Variants in CMIP observed in about 807,000 individuals in gnomAD.
CMIP encodes the protein c-Maf inducing protein, also known as C-Maf-inducing protein.
In CMIP, 13 loss-of-function variants were observed where a neutral mutation model predicts 97.3. The ratio of observed to expected loss-of-function variants is 0.13; its 90% confidence interval spans 0.09 to 0.21. The LOEUF (loss-of-function observed/expected upper bound fraction) is 0.21. Ranked by LOEUF, CMIP falls within the 10% of genes least tolerant of loss-of-function variation. CMIP has a pLI of 1.00. For missense variants in CMIP, 847 were observed against 1,024.9 expected, an observed-to-expected ratio of 0.83 and a Z score of 2.37; for synonymous variants, 538 against 436.3, an observed-to-expected ratio of 1.23 and a Z score of -2.91.
At chr16:81,501,568 GGT>G (rs2089612827) in intron 1 of CMIP, among the ~76,000 whole-genome samples, 1 of 151,976 alleles carries the variant, frequency 6.6e-6, no homozygotes, top group African/African-American at 2.4e-5. Flanking sequence ...TCTCAGGATG[GGT>G]GTGGCATGGG....
At chr16:81,694,080 G>A (rs761274220) in intron 13 of CMIP, among the ~76,000 whole-genome samples, 7 of 152,210 alleles carry the variant, frequency 4.6e-5, no homozygotes. Flanking sequence ...TTTAGGAGGT[G>A]CTGTGCCCCG....
chr16:81,534,287 C>T (rs2090298891), intron 1 of CMIP, among the ~76,000 whole-genome samples: 1 of 152,224 alleles, frequency 6.6e-6, no homozygotes, highest in Admixed American at 6.5e-5. Context: ...AAACCTCATT[C>T]ACTGCCCTCA....
chr16:81,490,389 T>A (rs1235033135), intron 1 of CMIP, among the ~76,000 whole-genome samples: 1 of 152,064 alleles, frequency 6.6e-6, no homozygotes, highest in African/African-American at 2.4e-5. Flanking sequence ...AGAGGCCAAG[T>A]TGGGCAAATT....
In CMIP at chr16:81,450,926, C is replaced by T. The variant is rs150708630; in HGVS notation, c.300+5385C>T. Reference sequence around the variant, plus strand: ...CTCATTTCTTGTGTATCTGGACATGCATGCACACAGCTGTCTACCGTGGTT... The same window carrying T: ...CTCATTTCTTGTGTATCTGGACATGTATGCACACAGCTGTCTACCGTGGTT... On this transcript the variant is annotated intron_variant, in intron 1 of 20. Coordinates refer to ENST00000537098, the MANE Select transcript of CMIP (RefSeq NM_198390.3). Among the ~76,000 whole-genome samples the T allele has an allele frequency of 1.1e-3, 164 of 152,320 alleles. 5 individuals carry two copies. The East Asian group carries it at 0.029, about 27-fold the overall frequency.
intron 7 of CMIP, chr16:81,667,258 A>G (rs1369319667): frequency 6.6e-6 from 1 of 152,250 alleles, no homozygotes; most frequent in Non-Finnish European, 1.5e-5. Context: ...CTAGACTGAA[A>G]TAAAAACTAG....
intron 2 of CMIP, among the ~76,000 whole-genome samples, chr16:81,609,598 C>T (rs565333333): frequency 2.2e-4 from 34 of 152,334 alleles, no homozygotes; most frequent in Admixed American, 8.5e-4. Flanking sequence ...TTAGAGGCAA[C>T]CGTGGAGGAC....
Position 81,678,640 on chromosome 16 carries a change from C to G in CMIP, c.1388+12C>G. The G allele has an allele frequency of 1.5e-6, 2 of 1,362,396 alleles. No individual in the cohort carries two copies. The highest frequency in any genetic ancestry group is 2.1e-6 in the Non-Finnish European group (2 of 971,518). 84.4% of individuals were successfully genotyped at this position (1,362,396 alleles called of 1,614,324 possible). A position where few individuals can be genotyped will look rare whatever the true frequency, so the allele number is the denominator to read the frequency against. The stretch of plus-strand genomic sequence containing the variant: ...ATCCTCAAGCTGCTGTGAGTGCCCC[C>G]CCCGCGTGCCCGCCCCCGGGGCCGG... On this transcript the variant is annotated intron_variant, in intron 10 of 20. Transcript: ENST00000537098.
intron 3 of CMIP, among the ~76,000 whole-genome samples, chr16:81,623,517 A>G (rs1235831056): frequency 6.6e-6 from 1 of 152,178 alleles, no homozygotes; most frequent in Non-Finnish European, 1.5e-5. Flanking sequence ...CTTCAGACAC[A>G]GTGTTTCTCC....
intron 1 of CMIP, among the ~76,000 whole-genome samples, chr16:81,591,362 C>G (rs1214518885): frequency 3.3e-5 from 5 of 152,216 alleles, no homozygotes; most frequent in Non-Finnish European, 7.3e-5. Context: ...AAGGAACTCA[C>G]AACACAAACA....
chr16:81,651,305 C>T (rs888668845), intron 3 of CMIP: 6 of 393,726 alleles, frequency 1.5e-5, no homozygotes, highest in East Asian at 1.6e-4. Flanking sequence ...CCCAGACCTC[C>T]GCCTTCCGAG....
At chr16:81,696,849 A>G (rs899047331) in intron 14 of CMIP, 182 bp downstream of exon 14, 1 of 619,690 alleles carries the variant, frequency 1.6e-6, no homozygotes, top group South Asian at 2.0e-5. Context: ...TCACTTACTC[A>G]TTTCTTATCT....
chr16:81,608,737 C>T (rs2150943474), intron 2 of CMIP, among the ~76,000 whole-genome samples: 1 of 152,184 alleles, frequency 6.6e-6, no homozygotes, highest in Admixed American at 6.5e-5. Context: ...CATGTTACAT[C>T]ATGTCAGGGG....
chr16:81,456,623 G>C (rs1205181495), intron 1 of CMIP, among the ~76,000 whole-genome samples: 3 of 152,232 alleles, frequency 2.0e-5, no homozygotes, highest in African/African-American at 7.2e-5. Context: ...TTATACAGAT[G>C]AGCAAACTGA....
chr16:81,470,872 G>A (rs2966122), intron 1 of CMIP, among the ~76,000 whole-genome samples: 69,464 of 152,126 alleles, frequency 0.46, 16,550 homozygotes, highest in African/African-American at 0.61. Flanking sequence ...TGAAACTCCT[G>A]AGATCAGTAC....
At chr16:81,531,568 T>C (rs2090236538) in intron 1 of CMIP, among the ~76,000 whole-genome samples, 4 of 152,304 alleles carry the variant, frequency 2.6e-5, no homozygotes, top group Admixed American at 6.5e-5. Context: ...AAGTAGGAAG[T>C]TGGGACACTT....
chr16:81,607,848 G>C (rs936756422), intron 2 of CMIP, among the ~76,000 whole-genome samples, 156 bp downstream of exon 2: 5 of 152,328 alleles, frequency 3.3e-5, no homozygotes, highest in African/African-American at 1.2e-4. Flanking sequence ...CTGTAAACCA[G>C]GTCTGACTGG....
intron 1 of CMIP, among the ~76,000 whole-genome samples, chr16:81,543,377 C>T (rs1440472564): frequency 6.6e-6 from 1 of 152,158 alleles, no homozygotes; most frequent in Non-Finnish European, 1.5e-5. Context: ...TCATACCCAC[C>T]CCTGTAGCTG....
intron 1 of CMIP, among the ~76,000 whole-genome samples, chr16:81,500,239 T>TTTCCTTCCTTCCTTCC (rs1458286623): frequency 9.6e-6 from 1 of 104,318 alleles, no homozygotes; most frequent in East Asian, 3.1e-4. Context: ...TTTATCAAAA[T>TTTCCTTCCTTCCTTCC]TTCCTTCCTT....
intron 1 of CMIP, among the ~76,000 whole-genome samples, chr16:81,498,182 CT>C (rs1416204298): frequency 1.3e-5 from 2 of 152,236 alleles, no homozygotes; most frequent in East Asian, 3.8e-4. Flanking sequence ...ACTCGGCTTC[CT>C]TGTCTGAAAA....
Sources: gnomAD v4.1 joint callset for allele counts (sites outside exome capture counted in the v4.1 genomes callset) on GRCh38, gnomAD v4.1.1 for gene constraint, MANE v1.5 for transcripts, NCBI Gene and HGNC (gene_info 2026-07-23, HGNC 2026-07-21) for gene names.